CUX1: variants seen among roughly 807,000 people sequenced by gnomAD.
The protein encoded by CUX1 is cut like homeobox 1.
A neutral mutation model predicts 158.8 loss-of-function variants in CUX1; 31 were observed. That is an observed-to-expected ratio of 0.20 (90% CI 0.15 to 0.26). The LOEUF (loss-of-function observed/expected upper bound fraction) is 0.26. CUX1 is among the 10% of genes least tolerant of loss of function. The pLI is 1.00. For missense variants in CUX1, 1,589 were observed against 2,014.6 expected (o/e 0.79, Z 4.04); for synonymous variants, 879 against 862.1 (o/e 1.02, Z -0.34).
chr7:102,203,384 G>A (rs761315410), intron 18 of CUX1, among the ~76,000 whole-genome samples: 3 of 150,902 alleles, frequency 2.0e-5, no homozygotes, highest in African/African-American at 4.9e-5. Context: ...CGCCGTCCCC[G>A]CACTCCCCAC....
rs181027712 is a variant in CUX1 at position 102,064,166 on chromosome 7, A to T, written c.190-6173A>T. ...TACCCAAGGCTGCAGGCCAGTGTCT[A>T]ACCGTCTCTAGATCCGTCCTGGTTT... is the stretch of plus-strand genomic sequence containing the variant. On this transcript the variant is annotated intron_variant, in intron 3 of 23. Coordinates refer to ENST00000292535, the MANE Select transcript of CUX1 (RefSeq NM_181552.4). Among the ~76,000 whole-genome samples the T allele has an allele frequency of 2.0e-5, 3 of 152,028 alleles. No homozygotes were observed. The East Asian group carries it at 5.8e-4, about 29-fold the overall frequency.
intron 8 of CUX1, among the ~76,000 whole-genome samples, chr7:102,119,385 C>A (rs1831794487): frequency 6.6e-6 from 1 of 152,200 alleles, no homozygotes; most frequent in Non-Finnish European, 1.5e-5. Flanking sequence ...TCAGCTGGGA[C>A]AGCACGGGCT....
intron 8 of CUX1, among the ~76,000 whole-genome samples, chr7:102,128,045 G>A (rs551738096): frequency 1.3e-5 from 2 of 152,080 alleles, no homozygotes; most frequent in Admixed American, 6.6e-5. Context: ...ACAGGGTTTC[G>A]CCAGTTGGCC....
intron 1 of CUX1, among the ~76,000 whole-genome samples, chr7:101,835,059 A>G (rs1219748740): frequency 2.6e-5 from 4 of 152,036 alleles, no homozygotes; most frequent in Admixed American, 2.6e-4. Context: ...TGTTTGGTAT[A>G]CTCACAATGT....
intron 8 of CUX1, among the ~76,000 whole-genome samples, chr7:102,117,640 G>A (rs1362127311): frequency 2.0e-5 from 3 of 152,186 alleles, no homozygotes; most frequent in African/African-American, 7.2e-5. Context: ...CCAGCCAGGG[G>A]AGCTGGGGAA....
chr7:102,126,342 G>T (rs1408356035), intron 8 of CUX1, among the ~76,000 whole-genome samples: 3 of 151,958 alleles, frequency 2.0e-5, no homozygotes, highest in African/African-American at 7.3e-5. Flanking sequence ...CCCGGCCCGT[G>T]ACATTATTTT....
intron 2 of CUX1, among the ~76,000 whole-genome samples, chr7:102,017,286 A>G (rs7810030): frequency 0.44 from 59,566 of 134,082 alleles, 13,235 homozygotes; most frequent in Non-Finnish European, 0.48. Context: ...GAGAGACTCC[A>G]TCTCAAAAAA....
intron 1 of CUX1, among the ~76,000 whole-genome samples, chr7:101,842,238 T>C (rs1479447799): frequency 6.6e-6 from 1 of 152,242 alleles, no homozygotes; most frequent in Non-Finnish European, 1.5e-5. Context: ...ATTTTCCATA[T>C]GTGCTCAAAA....
chr7:101,994,107 G>T (rs1815506847), intron 2 of CUX1, among the ~76,000 whole-genome samples: 1 of 152,180 alleles, frequency 6.6e-6, no homozygotes, highest in Non-Finnish European at 1.5e-5. Context: ...CCACATGGGA[G>T]CCCTTCTTCC....
chr7:101,817,758 A>G lies in CUX1; in HGVS notation c.30+89A>G. On this transcript the variant is annotated intron_variant, in intron 1 of 23. Coordinates refer to ENST00000292535, the MANE Select transcript of CUX1 (RefSeq NM_181552.4). The surrounding 1 kb of genome is among the most constrained non-coding windows in gnomAD (Gnocchi z 4.1). ...GGGTGCCCGGGTCCCGCGGCTTAGA[A>G]TGCTCTAGGGCGGCCTGGTGCTCTG... 21 of 1,495,856 alleles carry G rather than the reference A, an allele frequency of 1.4e-5. No homozygotes were observed. Among genetic ancestry groups the G allele is most frequent in the Non-Finnish European group, 1.8e-5 (20 of 1,110,176 alleles). 92.7% of individuals were successfully genotyped at this position (1,495,856 alleles called of 1,614,324 possible).
Position 101,997,500 on chromosome 7 carries a change from C to T in CUX1, c.142-30598C>T, listed in dbSNP as rs768992751. ...CTGGGATTACAGGTGCCCACCACCA[C>T]GCCTGGCTACTTTTTGTATTTTTAG... On this transcript the variant is annotated intron_variant, in intron 2 of 23. Coordinates refer to ENST00000292535, the MANE Select transcript of CUX1 (RefSeq NM_181552.4). Among the ~76,000 whole-genome samples, 6 of 151,432 alleles carry T rather than the reference C, an allele frequency of 4.0e-5. No homozygotes were observed. In the South Asian group the frequency reaches 1.0e-3, roughly 26 times the overall value.
intron 1 of CUX1, among the ~76,000 whole-genome samples, chr7:101,839,030 C>T (rs1254723154): frequency 8.5e-5 from 13 of 152,202 alleles, no homozygotes; most frequent in African/African-American, 1.2e-4. Context: ...TGCCACATAG[C>T]AGAGAGTGTG....
chr7:102,182,595 G>C (rs1180951475), intron 11 of CUX1, among the ~76,000 whole-genome samples: 3 of 152,204 alleles, frequency 2.0e-5, no homozygotes, highest in African/African-American at 7.2e-5. Flanking sequence ...ATTAGGCATG[G>C]AAACAGACGC....
chr7:102,262,436 C>T (rs1237232772), downstream of CUX1, among the ~76,000 whole-genome samples: 5 of 10,750 alleles, frequency 4.7e-4, no homozygotes, highest in Non-Finnish European at 7.0e-4. Flanking sequence ...GGATAACTCA[C>T]AGGGTTACTG....
chr7:101,844,512 A>G (rs963878848), intron 1 of CUX1, among the ~76,000 whole-genome samples: 23 of 152,300 alleles, frequency 1.5e-4, no homozygotes, highest in African/African-American at 5.5e-4. Flanking sequence ...CGGTTGAGAA[A>G]TATGAGGACA....
At chr7:101,954,882 C>A (rs1254635911) in intron 2 of CUX1, among the ~76,000 whole-genome samples, 1 of 151,456 alleles carries the variant, frequency 6.6e-6, no homozygotes. Context: ...TGTTGAAATA[C>A]AGGTTCAGGC....
At position 101,976,900 on chromosome 7, in the gene CUX1, A is replaced by ATTTTTTTTTTTTTTTTT. The variant is rs10643207; in HGVS notation, c.142-51186_142-51170dup. 1.8e-4 allele frequency among the ~76,000 whole-genome samples: 7 copies of ATTTTTTTTTTTTTTTTT among 39,460 alleles called. 1 individual carries two copies. The highest frequency in any genetic ancestry group is 2.5e-4 in the Non-Finnish European group (6 of 23,756). The allele number at this position is 39,460 out of a possible 152,430, so 25.9% of individuals were successfully genotyped here. A position where few individuals can be genotyped will look rare whatever the true frequency, so the allele number is the denominator to read the frequency against. ...ATTTGAATAGTCTTTTCCCTTTCTGATTTTTTTTTTTTTTTTTTTTTTTTT... is the reference window on the plus strand; with the variant it reads ...ATTTGAATAGTCTTTTCCCTTTCTGATTTTTTTTTTTTTTTTTTTTTTTTTTTTTTTTTTTTTTTTTT... On this transcript the variant is annotated intron_variant, in intron 2 of 23. Coordinates refer to ENST00000292535, the MANE Select transcript of CUX1 (RefSeq NM_181552.4).
intron 1 of CUX1, among the ~76,000 whole-genome samples, chr7:101,834,873 G>A (rs1211542005): frequency 1.3e-5 from 2 of 152,130 alleles, no homozygotes; most frequent in South Asian, 2.1e-4. Context: ...GTGAGCGCTT[G>A]TAATCCCAGC....
At chr7:102,144,675 A>AAC (rs1834837792) in intron 8 of CUX1, among the ~76,000 whole-genome samples, 1 of 151,504 alleles carries the variant, frequency 6.6e-6, no homozygotes, top group African/African-American at 2.4e-5. Flanking sequence ...TGTCTCAAAA[A>AAC]AAAAAAAAAA....
Sources: allele counts gnomAD v4.1 joint callset (sites outside exome capture counted in the v4.1 genomes callset), GRCh38; gene constraint gnomAD v4.1.1; non-coding constraint Gnocchi (gnomAD v3.1); transcripts MANE v1.5; gene names NCBI Gene and HGNC (gene_info 2026-07-23, HGNC 2026-07-21).